The following UNC79 variants were observed in gnomAD, a reference collection of about 807,000 sequenced individuals.
UNC79 encodes protein unc-79 homolog.
Under a neutral mutation model 283.1 loss-of-function variants are expected in UNC79, and 37 were observed. That is an observed-to-expected ratio of 0.13 (90% CI 0.10 to 0.17). UNC79 has a LOEUF of 0.17. UNC79 is among the 10% of genes least tolerant of loss of function. The pLI is 1.00. For missense variants in UNC79, 2,272 were observed against 3,211.1 expected (o/e 0.71, Z 7.07); for synonymous variants, 1,107 against 1,200.2 (o/e 0.92, Z 1.61).
rs373259413 is a variant in UNC79 at position 93,454,579 on chromosome 14, A to G, written c.23-13092A>G. Reference sequence around the variant, plus strand: ...TTGGGCAAGTTACTTAACCTCTCTCAGCCTCAGTTTTTTCGTTGGTAATGT... The same window carrying G: ...TTGGGCAAGTTACTTAACCTCTCTCGGCCTCAGTTTTTTCGTTGGTAATGT... On this transcript the variant is annotated intron_variant, in intron 1 of 48. Coordinates refer to ENST00000555664, the Ensembl canonical transcript of UNC79. Among the ~76,000 whole-genome samples, 19 of 152,276 alleles carry G rather than the reference A, an allele frequency of 1.2e-4. No individual in the cohort carries two copies. In the South Asian group the frequency reaches 3.9e-3, roughly 32 times the overall value.
rs2053862127 is a variant in UNC79 at position 93,347,211 on chromosome 14, T to C, written c.-351+13688T>C. 4 of 1,516,882 alleles carry C rather than the reference T, an allele frequency of 2.6e-6. No individual in the cohort carries two copies. In the African/African-American group the frequency reaches 5.6e-5, roughly 21 times the overall value. The allele number at this position is 1,516,882 out of a possible 1,614,324, so 94.0% of individuals were successfully genotyped here. On this transcript the variant is annotated intron_variant, in intron 1 of 49. Coordinates refer to the UNC79 transcript ENST00000256339. ...GCCTCACGAGCACTGGAGCTTGCGT[T>C]ACTTGGCCTCACCTCACCTGTGCTG...
intron 1 of UNC79, among the ~76,000 whole-genome samples, chr14:93,411,485 T>A (rs549141955): frequency 1.3e-5 from 2 of 152,200 alleles, no homozygotes. Flanking sequence ...ATAGTTAGCC[T>A]TGGGTTGAGG....
At chr14:93,389,216 T>C (rs1023249134) in intron 1 of UNC79, among the ~76,000 whole-genome samples, 1 of 152,150 alleles carries the variant, frequency 6.6e-6, no homozygotes, top group African/African-American at 2.4e-5. Flanking sequence ...GGAAATGATA[T>C]TGGGGAGGCC....
chr14:93,575,638 AACC>A (rs1162868111), intron 17 of UNC79, among the ~76,000 whole-genome samples: 1 of 152,138 alleles, frequency 6.6e-6, no homozygotes, highest in African/African-American at 2.4e-5. Flanking sequence ...TGTCACTGTG[AACC>A]AACTGAGCCC....
chr14:93,440,715 A>G (rs1474174370), intron 1 of UNC79, among the ~76,000 whole-genome samples: 1 of 152,034 alleles, frequency 6.6e-6, no homozygotes, highest in Non-Finnish European at 1.5e-5. Context: ...AAGTGCATAA[A>G]TTTCCATGTG....
At chr14:93,485,894 C>T (rs66790272) in intron 4 of UNC79, among the ~76,000 whole-genome samples, 11,705 of 152,132 alleles carry the variant, frequency 0.077, 505 homozygotes, top group Middle Eastern at 0.14. Flanking sequence ...TACTTTGGTG[C>T]CCAAATTCCT....
intron 1 of UNC79, among the ~76,000 whole-genome samples, chr14:93,423,062 C>CAAAAAAAAAAAAAAAAAAA (rs71129634): frequency 2.6e-5 from 2 of 77,304 alleles, no homozygotes; most frequent in African/African-American, 5.5e-5. Context: ...GACTCTGTCT[C>CAAAAAAAAAAAAAAAAAAA]AAAAAAAAAA....
chr14:93,667,019 G>T (rs1424185001), intron 40 of UNC79, among the ~76,000 whole-genome samples: 1 of 152,094 alleles, frequency 6.6e-6, no homozygotes, highest in Non-Finnish European at 1.5e-5. Context: ...TGGGAGGATT[G>T]CTTAAACCCA....
At chr14:93,703,489 A>G (rs780792086) in intron 47 of UNC79, among the ~76,000 whole-genome samples, 1 of 151,786 alleles carries the variant, frequency 6.6e-6, no homozygotes, top group Non-Finnish European at 1.5e-5. Flanking sequence ...AGGTGTCTAA[A>G]CTCCCCTTTT....
intron 4 of UNC79, among the ~76,000 whole-genome samples, chr14:93,478,279 A>G (rs1391625498): frequency 6.6e-6 from 1 of 152,172 alleles, no homozygotes; most frequent in Non-Finnish European, 1.5e-5. Context: ...GAAAAAAGCT[A>G]AAGCTTCCAA....
chr14:93,338,582 G>T (rs765761153), intron 1 of UNC79, among the ~76,000 whole-genome samples: 1 of 152,162 alleles, frequency 6.6e-6, no homozygotes, highest in Non-Finnish European at 1.5e-5. Context: ...TTACAATTTA[G>T]TAAGAACAAG....
In UNC79 at chr14:93,334,139, A is replaced by G. The variant is rs552916049; in HGVS notation, c.-351+616A>G. ...ATTTGGAATTTTGTGATGTGTTTTT[A>G]ACCATCTCTTGACCCTCCATTATTT... On this transcript the variant is annotated intron_variant, in intron 1 of 49. Transcript: ENST00000256339. Among the ~76,000 whole-genome samples the G allele has an allele frequency of 6.4e-4, 98 of 152,328 alleles. 3 individuals carry two copies. In the South Asian group the frequency reaches 0.02, roughly 31 times the overall value.
At chr14:93,490,292 C>T (rs970728945) in intron 5 of UNC79, among the ~76,000 whole-genome samples, 1 of 152,152 alleles carries the variant, frequency 6.6e-6, no homozygotes, top group Non-Finnish European at 1.5e-5. Context: ...CACTTGGCTA[C>T]ACTCTCCCCA....
intron 8 of UNC79, among the ~76,000 whole-genome samples, chr14:93,525,515 G>A (rs1362361654): frequency 6.6e-6 from 1 of 151,970 alleles, no homozygotes; most frequent in Non-Finnish European, 1.5e-5. Context: ...ATTCTACTGT[G>A]TGCACCCCAC....
At chr14:93,444,476 T>A (rs2056405460) in intron 1 of UNC79, among the ~76,000 whole-genome samples, 1 of 152,190 alleles carries the variant, frequency 6.6e-6, no homozygotes, top group African/African-American at 2.4e-5. Flanking sequence ...TTTGCACTTT[T>A]GGTATCCTGT....
downstream of UNC79, chr14:93,707,562 A>G (rs961932762): frequency 1.3e-5 from 2 of 152,228 alleles, no homozygotes; most frequent in African/African-American, 2.4e-5. Context: ...CTTTATGATA[A>G]CCACTTTAGT....
chr14:93,622,423 G>A (rs765601489), exon 30 of UNC79: 4 of 1,614,160 alleles, frequency 2.5e-6, no homozygotes, highest in East Asian at 4.5e-5. Context: ...CAAAGCCAGA[G>A]GAGCTGCCAG....
downstream of UNC79, chr14:93,707,200 G>A: frequency 3.3e-6 from 1 of 303,526 alleles, no homozygotes; most frequent in Non-Finnish European, 6.0e-6. Context: ...AGACTGGTGG[G>A]TACTCACAGA....
At chr14:93,445,713 A>G (rs960095302) in intron 1 of UNC79, among the ~76,000 whole-genome samples, 4 of 152,146 alleles carry the variant, frequency 2.6e-5, no homozygotes, top group African/African-American at 7.2e-5. Context: ...TGATAAATTC[A>G]CCATTGAAGC....
Sources: gnomAD v4.1 joint callset for allele counts (sites outside exome capture counted in the v4.1 genomes callset) on GRCh38, gnomAD v4.1.1 for gene constraint, MANE v1.5 for transcripts, NCBI Gene and HGNC (gene_info 2026-07-23, HGNC 2026-07-21) for gene names.